FOXN3: variants seen among roughly 807,000 people sequenced by gnomAD.
FOXN3 encodes forkhead box protein N3.
Under a neutral mutation model 38.4 loss-of-function variants are expected in FOXN3, and 7 were observed. The ratio of observed to expected loss-of-function variants is 0.18; its 90% confidence interval spans 0.10 to 0.34. The LOEUF is 0.34. Ranked by LOEUF, FOXN3 falls within the 10% of genes least tolerant of loss-of-function variation. The pLI, the probability that FOXN3 is intolerant of heterozygous loss-of-function variation, is 1.00. For synonymous variants in FOXN3, 230 were observed against 242.2 expected (o/e 0.95, Z 0.47); for missense variants, 456 against 613.4 (o/e 0.74, Z 2.71).
chr14:89,438,281 C>T (rs1338023759), intron 1 of FOXN3, among the ~76,000 whole-genome samples: 1 of 152,232 alleles, frequency 6.6e-6, no homozygotes, highest in African/African-American at 2.4e-5. Flanking sequence ...GCTGAATGAG[C>T]ACCTTCAGTA....
At chr14:89,539,758 C>T (rs1190124490) in intron 1 of FOXN3, among the ~76,000 whole-genome samples, 3 of 152,190 alleles carry the variant, frequency 2.0e-5, no homozygotes, top group Non-Finnish European at 4.4e-5. Context: ...TGGTCAGGAA[C>T]TGCTGCGTGA....
chr14:89,458,927 G>C (rs1397770114), intron 1 of FOXN3, among the ~76,000 whole-genome samples: 1 of 152,160 alleles, frequency 6.6e-6, no homozygotes, highest in Non-Finnish European at 1.5e-5. Flanking sequence ...AAGTGGAAAA[G>C]GACAAAAGGA....
intron 1 of FOXN3, among the ~76,000 whole-genome samples, chr14:89,567,714 C>A (rs1012762395): frequency 7.3e-6 from 1 of 136,556 alleles, no homozygotes; most frequent in Non-Finnish European, 1.5e-5. Flanking sequence ...CCAAACAAAT[C>A]TCGTTGATTT....
chr14:89,402,545 C>T (rs1891277325), intron 2 of FOXN3, among the ~76,000 whole-genome samples: 1 of 152,202 alleles, frequency 6.6e-6, no homozygotes, highest in Admixed American at 6.5e-5. Flanking sequence ...ATTTCCCAGG[C>T]TTCCTTGCAG....
chr14:89,314,707 C>A (rs1030112429), intron 3 of FOXN3, among the ~76,000 whole-genome samples: 4 of 152,292 alleles, frequency 2.6e-5, no homozygotes, highest in African/African-American at 9.6e-5. Flanking sequence ...AAAAGACAGA[C>A]ATGAGATGGA....
At chr14:89,414,742 G>A (rs1176367501) in intron 1 of FOXN3, among the ~76,000 whole-genome samples, 3 of 151,976 alleles carry the variant, frequency 2.0e-5, no homozygotes, top group East Asian at 1.9e-4. Context: ...TTAGTAAGAC[G>A]GGGTTTCACC....
intron 1 of FOXN3, among the ~76,000 whole-genome samples, chr14:89,488,838 G>A (rs953487883): frequency 1.3e-5 from 2 of 152,020 alleles, no homozygotes; most frequent in African/African-American, 4.8e-5. Context: ...ACCACGCCTC[G>A]ACAGCCCCTG....
In FOXN3 at chr14:89,363,970, AT is replaced by A. The variant is rs1360150562; in HGVS notation, c.544-13163del. On this transcript the variant is annotated intron_variant, in intron 2 of 5. Transcript: ENST00000557258. ...AAAATATATATATATATATATATAT[AT>A]ATATATATATATATATAATATATAT... 6.6e-3 allele frequency among the ~76,000 whole-genome samples: 352 copies of A among 53,104 alleles called. 3 individuals carry two copies. The highest frequency in any genetic ancestry group is 0.012 in the Admixed American group (74 of 5,948). 34.8% of individuals were successfully genotyped at this position (53,104 alleles called of 152,430 possible).
At chr14:89,465,617 T>G (rs1410388232) in intron 1 of FOXN3, among the ~76,000 whole-genome samples, 1 of 152,246 alleles carries the variant, frequency 6.6e-6, no homozygotes. Context: ...TACCACTGTC[T>G]GCACTCAAAA....
intron 4 of FOXN3, among the ~76,000 whole-genome samples, chr14:89,279,110 T>C (rs965616352): frequency 2.0e-5 from 3 of 152,108 alleles, no homozygotes; most frequent in Non-Finnish European, 4.4e-5. Context: ...AAAAAATGAA[T>C]GTTAACAAAT....
At chr14:89,440,594 C>T (rs1193003897) in intron 1 of FOXN3, among the ~76,000 whole-genome samples, 3 of 152,192 alleles carry the variant, frequency 2.0e-5, no homozygotes, top group Non-Finnish European at 4.4e-5. Flanking sequence ...CCACTGAGCA[C>T]CTTGCGACCC....
At chr14:89,498,672 G>A (rs938183468) in intron 1 of FOXN3, among the ~76,000 whole-genome samples, 1 of 151,998 alleles carries the variant, frequency 6.6e-6, no homozygotes, top group Non-Finnish European at 1.5e-5. Flanking sequence ...GGTGAAAGAG[G>A]ACTTCCTAGA....
intron 1 of FOXN3, among the ~76,000 whole-genome samples, chr14:89,461,680 A>G (rs1361225715): frequency 2.0e-5 from 3 of 152,212 alleles, no homozygotes; most frequent in Admixed American, 6.5e-5. Context: ...AATCTACAAC[A>G]TGATGTCTAG....
At chr14:89,405,204 T>G (rs1891357065) in intron 2 of FOXN3, among the ~76,000 whole-genome samples, 1 of 152,148 alleles carries the variant, frequency 6.6e-6, no homozygotes, top group East Asian at 1.9e-4. Flanking sequence ...TGGCGTGATC[T>G]TCACTCACCG....
At chr14:89,409,889 TG>T (rs1891496035) in intron 2 of FOXN3, among the ~76,000 whole-genome samples, 1 of 152,286 alleles carries the variant, frequency 6.6e-6, no homozygotes, top group East Asian at 1.9e-4. Context: ...AAGAGCTTCA[TG>T]GTCAAGGAAA....
intron 1 of FOXN3, among the ~76,000 whole-genome samples, chr14:89,566,633 T>A (rs1296345617): frequency 2.0e-5 from 3 of 152,354 alleles, no homozygotes; most frequent in South Asian, 2.1e-4. Flanking sequence ...GTGAAAATTA[T>A]GTTCATTGTG....
At chr14:89,365,189 A>G (rs1890100415) in intron 2 of FOXN3, among the ~76,000 whole-genome samples, 1 of 152,086 alleles carries the variant, frequency 6.6e-6, no homozygotes, top group Non-Finnish European at 1.5e-5. Context: ...ACCACACGTC[A>G]ATGTCATTTT....
At chr14:89,217,800 T>G (rs1482359652) in intron 4 of FOXN3, among the ~76,000 whole-genome samples, 2 of 152,224 alleles carry the variant, frequency 1.3e-5, no homozygotes, top group Non-Finnish European at 2.9e-5. Flanking sequence ...CCCGCCAGCT[T>G]TGCAGTGACC....
intron 2 of FOXN3, among the ~76,000 whole-genome samples, chr14:89,370,802 T>G (rs1010236982): frequency 6.6e-6 from 1 of 152,218 alleles, no homozygotes; most frequent in African/African-American, 2.4e-5. Flanking sequence ...GCATGGCCCG[T>G]AGGGTCCATC....
Sources: gnomAD v4.1 joint callset for allele counts (sites outside exome capture counted in the v4.1 genomes callset) on GRCh38, gnomAD v4.1.1 for gene constraint, MANE v1.5 for transcripts, NCBI Gene and HGNC (gene_info 2026-07-23, HGNC 2026-07-21) for gene names.